The following ABCA7 variants were observed in gnomAD, a reference collection of about 807,000 sequenced individuals.
The protein encoded by ABCA7 is ATP binding cassette subfamily A member 7.
A neutral mutation model predicts 227.6 loss-of-function variants in ABCA7; 261 were observed. The ratio of observed to expected loss-of-function variants is 1.15; its 90% CI spans 1.04 to 1.27. The LOEUF is 1.27. ABCA7 is among the 50% of genes most tolerant of loss of function. ABCA7 has a pLI of 0.00. For synonymous variants in ABCA7, 1,488 were observed against 1,279.7 expected (o/e 1.16, Z -3.47); for missense variants, 3,331 against 2,924.5 (o/e 1.14, Z -3.21).
At position 1,054,559 on chromosome 19, in the gene ABCA7, T is replaced by C. The variant is rs753576870; in HGVS notation, c.3727-11T>C. 1 of 1,606,548 alleles carries C rather than the reference T, an allele frequency of 6.2e-7. No homozygotes were observed. The highest frequency in any genetic ancestry group is 1.1e-5 in the South Asian group (1 of 90,922). ...TGGATGGAAGCAGCAGCTGATGGGC[T>C]GGTCCCCCAGATCGTGCTGCCTGCC... On this transcript the variant is annotated splice_polypyrimidine_tract_variant and intron_variant, in intron 27 of 46. Coordinates refer to ENST00000263094, the MANE Select transcript of ABCA7 (RefSeq NM_019112.4). This position sits in a 1 kb window ranked among gnomAD's most constrained non-coding sequence, Gnocchi z 4.8.
chr19:1,058,483 A>G (rs760474457), intron 37 of ABCA7, 135 bp from the exon 38 acceptor site: 359 of 1,460,150 alleles, frequency 2.5e-4, no homozygotes, highest in Non-Finnish European at 3.1e-4. Context: ...TCTGTTTTCT[A>G]TGCCAATTAG....
Position 1,062,173 on chromosome 19 carries a change from G to A in ABCA7, c.5572G>A (p.Val1858Met), listed in dbSNP as rs1012809838. The A allele has an allele frequency of 1.2e-6, 2 of 1,611,456 alleles. No individual in the cohort carries two copies. The highest frequency in any genetic ancestry group is 2.7e-5 in the African/African-American group (2 of 74,900). ...AGCCCCCGGCGCCCCCATCCCCAGC[G>A]TGGCCCGGGAACCCAGTGCTGCGCA... ...RGEAVLAGHS[V>M]AREPSAAHLS... Residue 1858 changes from valine (V) to methionine (M), a missense_variant and splice_region_variant, in exon 42 of 47, where the codon GTG becomes ATG. Coordinates refer to ENST00000263094, the MANE Select transcript of ABCA7 (RefSeq NM_019112.4).
In ABCA7 at chr19:1,059,909, T is replaced by G. The variant is rs114362910; in HGVS notation, c.5463+824T>G. 3.5e-3 allele frequency among the ~76,000 whole-genome samples: 529 copies of G among 152,306 alleles called. 10 individuals carry two copies. Among genetic ancestry groups the G allele is most frequent in the African/African-American group, 0.012 (492 of 41,566 alleles). ...AAAACCTCATTAAGCACCTACTGCA[T>G]GCTTACCTCTGTTAAACACACACTG... is the stretch of plus-strand genomic sequence containing the variant. On this transcript the variant is annotated intron_variant, in intron 40 of 46. Transcript: ENST00000263094.
rs1425409548 is a variant in ABCA7 at position 1,054,403 on chromosome 19, C to T, written c.3726+62C>T. 5.4e-5 allele frequency: 84 copies of T among 1,555,360 alleles called. No individual in the cohort carries two copies. The highest frequency in any genetic ancestry group is 7.3e-5 in the Non-Finnish European group (84 of 1,153,628). ...CCCTGAGTTCCCTACCCTGGCCGTC[C>T]ACTCAGTGGCCTAATCCAAACCCTT... is the stretch of plus-strand genomic sequence containing the variant. On this transcript the variant is annotated intron_variant, in intron 27 of 46. Coordinates refer to ENST00000263094, the MANE Select transcript of ABCA7 (RefSeq NM_019112.4). This position sits in a 1 kb window ranked among gnomAD's most constrained non-coding sequence, Gnocchi z 4.8.
intron 12 of ABCA7, chr19:1,045,501 A>G: frequency 2.1e-6 from 1 of 485,702 alleles, no homozygotes; most frequent in Non-Finnish European, 3.7e-6. Flanking sequence ...AGCCAGGTGT[A>G]TTATTAGGTC....
At chr19:1,064,402 T>G in intron 45 of ABCA7, 149 bp downstream of exon 45, 1 of 925,168 alleles carries the variant, frequency 1.1e-6, no homozygotes, top group Non-Finnish European at 1.5e-6. Flanking sequence ...CAGGGGTGAC[T>G]GAGGGGGCGA....
chr19:1,051,886 C>T, intron 21 of ABCA7, 56 bp from the exon 22 acceptor site: 2 of 1,585,634 alleles, frequency 1.3e-6, no homozygotes, highest in Non-Finnish European at 8.6e-7. Flanking sequence ...GAGGCCCCAG[C>T]TCGGGCAAAG....
Position 1,058,060 on chromosome 19 carries a change from G to A in ABCA7, c.5025+1G>A, listed in dbSNP as rs111591170. The A allele has an allele frequency of 3.7e-6, 6 of 1,614,134 alleles. No individual in the cohort carries two copies. The highest frequency in any genetic ancestry group is 2.2e-5 in the South Asian group (2 of 91,082). ...TGTGCTTGAGCTCTTCTCTGATCAG[G>A]TGGGGCACCACGAGGCTGGGGCTTG... On this transcript the variant is annotated splice_donor_variant, in intron 36 of 46. Coordinates refer to ENST00000263094, the MANE Select transcript of ABCA7 (RefSeq NM_019112.4). LOFTEE classifies it high-confidence loss of function.
Position 1,061,820 on chromosome 19 carries a change from G to A in ABCA7, c.5502G>A (p.Thr1834=), listed in dbSNP as rs775635384. The change falls in exon 41 of 47, where the codon ACG becomes ACA. Residue 1834 remains threonine (T), a synonymous_variant. Coordinates refer to ENST00000263094, the MANE Select transcript of ABCA7 (RefSeq NM_019112.4). ...TGGGTGTGAATGGAGCAGGGAAGACGTCCACGTTTCGCATGGTGACGGGGG... is the reference window on the plus strand; with the variant it reads ...TGGGTGTGAATGGAGCAGGGAAGACATCCACGTTTCGCATGGTGACGGGGG... ...GLLGVNGAGK[T]STFRMVTGDT... 4 of 1,611,188 alleles carry A rather than the reference G, an allele frequency of 2.5e-6. No homozygotes were observed. Among genetic ancestry groups the A allele is most frequent in the Admixed American group, 1.7e-5 (1 of 59,420 alleles).
At position 1,052,370 on chromosome 19, in the gene ABCA7, A is replaced by AGAG. The variant is rs1568339808; in HGVS notation, c.3220+95_3220+97dup. Reference sequence around the variant, plus strand: ...TTGAGGAGGAGGAGGGGGAGGGGGAAGAGGAGGAGGAGGGGGAGGAAGCGG... The same window carrying AGAG: ...TTGAGGAGGAGGAGGGGGAGGGGGAAGAGGAGGAGGAGGAGGGGGAGGAAGCGG... On this transcript the variant is annotated intron_variant, in intron 23 of 46. Coordinates refer to ENST00000263094, the MANE Select transcript of ABCA7 (RefSeq NM_019112.4). 7.6e-6 allele frequency: 4 copies of AGAG among 528,720 alleles called. No individual in the cohort carries two copies. In the South Asian group the frequency reaches 7.6e-5, roughly 10 times the overall value. The allele number at this position is 528,720 out of a possible 1,614,324, so 32.8% of individuals were successfully genotyped here. A position where few individuals can be genotyped will look rare whatever the true frequency, so the allele number is the denominator to read the frequency against.
chr19:1,047,484 G>T lies in ABCA7; in HGVS notation c.2099G>T (p.Gly700Val), dbSNP rs758735949. 6.4e-7 allele frequency: 1 copy of T among 1,568,398 alleles called. No individual in the cohort carries two copies. The highest frequency in any genetic ancestry group is 8.6e-7 in the Non-Finnish European group (1 of 1,162,138). ...CTGTCGCCCGTGGCCTTCGGCTTCG[G>T]CTGCGAGAGCCTGGCTCTGCTGGAG... ...SLLSPVAFGF[G>V]CESLALLEEQ... is the part of the protein sequence containing the mutation. The change falls in exon 16 of 47, where the codon GGC (glycine) becomes GTC (valine). Residue 700 changes from glycine to valine, a missense_variant. By Grantham distance (109) the Gly-to-Val change is moderately radical (BLOSUM62 -3). Transcript: ENST00000263094.
intron 9 of ABCA7, 119 bp downstream of exon 9, chr19:1,043,592 G>A (rs1891832282): frequency 1.3e-6 from 2 of 1,570,154 alleles, no homozygotes; most frequent in Admixed American, 3.4e-5. Context: ...AGAAGTAGGA[G>A]TTAGCCGATG....
In ABCA7 at chr19:1,049,194, C is replaced by T. The variant is rs2041104228; in HGVS notation, c.2381-72C>T. ...GCCCAGCAGGTCCCGGATTCCACAG[C>T]CCAGCTCTGAGGGACTTGCAGGCCC... On this transcript the variant is annotated intron_variant, in intron 17 of 46. Coordinates refer to ENST00000263094, the MANE Select transcript of ABCA7 (RefSeq NM_019112.4). 8 of 1,507,302 alleles carry T rather than the reference C, an allele frequency of 5.3e-6. No homozygotes were observed. The Admixed American group carries it at 1.2e-4, about 23-fold the overall frequency. 93.4% of individuals were successfully genotyped at this position (1,507,302 alleles called of 1,614,324 possible).
chr19:1,041,589 T>C lies in ABCA7; in HGVS notation c.146T>C (p.Leu49Pro). Reference sequence around the variant, plus strand: ...GCTGTTCGCCACTCCCACCCGCCCCTGGAGCACCATGAATGTGAGCCCCCC... The same window carrying C: ...GCTGTTCGCCACTCCCACCCGCCCCCGGAGCACCATGAATGTGAGCCCCCC... ...LVAVRHSHPP[L>P]EHHECHFPNK... The change falls in exon 3 of 47, where the codon CTG (leucine) becomes CCG (proline). Residue 49 changes from leucine to proline, a missense_variant. Coordinates refer to ENST00000263094, the MANE Select transcript of ABCA7 (RefSeq NM_019112.4). The C allele has an allele frequency of 1.9e-6, 3 of 1,611,998 alleles. No homozygotes were observed. Among genetic ancestry groups the C allele is most frequent in the Non-Finnish European group, 2.5e-6 (3 of 1,179,688 alleles).
At position 1,055,245 on chromosome 19, in the gene ABCA7, C is replaced by G. The variant is rs769354095; in HGVS notation, c.4099C>G (p.Pro1367Ala). ...PDCPAAAGGP[P>A]PPQAVTGSGE... The stretch of plus-strand genomic sequence containing the variant: ...CTGCCCGGCTGCAGCTGGTGGTCCC[C>G]CTCCGCCCCAGGCAGTGACCGGCTC... Residue 1367 changes from proline (P) to alanine (A), a missense_variant, in exon 30 of 47, where the codon CCT becomes GCT. Coordinates refer to ENST00000263094, the MANE Select transcript of ABCA7 (RefSeq NM_019112.4). The G allele has an allele frequency of 6.2e-7, 1 of 1,604,238 alleles. No homozygotes were observed. The highest frequency in any genetic ancestry group is 1.1e-5 in the South Asian group (1 of 90,022).
At chr19:1,051,624 G>T (rs765169225) in intron 21 of ABCA7, 38 bp downstream of exon 21, 1 of 1,585,402 alleles carries the variant, frequency 6.3e-7, no homozygotes, top group South Asian at 1.1e-5. Context: ...GCCAGAAAAG[G>T]CTTCTGACAA....
At chr19:1,060,335 C>T (rs2042576023) in intron 40 of ABCA7, among the ~76,000 whole-genome samples, 2 of 151,788 alleles carry the variant, frequency 1.3e-5, no homozygotes, top group Admixed American at 1.3e-4. Context: ...CCTCAGCCTC[C>T]CGAGTAGCTG....
chr19:1,056,255 G>T lies in ABCA7; in HGVS notation c.4416+12G>T, dbSNP rs757334199. On this transcript the variant is annotated intron_variant, in intron 32 of 46. Coordinates refer to ENST00000263094, the MANE Select transcript of ABCA7 (RefSeq NM_019112.4). The surrounding 1 kb of genome is among the most constrained non-coding windows in gnomAD (Gnocchi z 4.3). The stretch of plus-strand genomic sequence containing the variant: ...AGGACAGTCTCAAGGTGGGAACTGG[G>T]GGGGCAGGTGGGCGTCCTGTCACAG... The T allele has an allele frequency of 6.3e-6, 10 of 1,589,474 alleles. No homozygotes were observed. The highest frequency in any genetic ancestry group is 5.6e-5 in the South Asian group (5 of 89,134).
intron 17 of ABCA7, 71 bp from the exon 18 acceptor site, chr19:1,049,195 C>T: frequency 6.6e-7 from 1 of 1,510,740 alleles, no homozygotes; most frequent in Non-Finnish European, 8.9e-7. Flanking sequence ...ATTCCACAGC[C>T]CAGCTCTGAG....
Sources: gnomAD v4.1 joint callset for allele counts (sites outside exome capture counted in the v4.1 genomes callset) on GRCh38, gnomAD v4.1.1 for gene constraint, Gnocchi (gnomAD v3.1) non-coding constraint, MANE v1.5 for transcripts, NCBI Gene and HGNC (gene_info 2026-07-23, HGNC 2026-07-21) for gene names.